Variants in PDE4D observed in about 807,000 individuals in gnomAD.
The protein encoded by PDE4D is phosphodiesterase 4D.
Under a neutral mutation model 87.4 loss-of-function variants are expected in PDE4D, and 24 were observed. The ratio of observed to expected loss-of-function variants is 0.27; its 90% CI spans 0.20 to 0.39. The LOEUF (loss-of-function observed/expected upper bound fraction) is 0.39. PDE4D is among the 10% of genes least tolerant of loss of function. The pLI is 1.00. For synonymous variants in PDE4D, 384 were observed against 383.2 expected (o/e 1.00, Z -0.02); for missense variants, 714 against 1,041.0 (o/e 0.69, Z 4.32).
At chr5:60,078,269 T>A (rs1404709359) in intron 2 of PDE4D, among the ~76,000 whole-genome samples, 1 of 152,212 alleles carries the variant, frequency 6.6e-6, no homozygotes. Flanking sequence ...TAGGTGAGTC[T>A]GCTAAATTAA....
chr5:59,604,959 T>A (rs994126505), intron 1 of PDE4D, among the ~76,000 whole-genome samples: 1 of 151,892 alleles, frequency 6.6e-6, no homozygotes, highest in African/African-American at 2.4e-5. Context: ...TACACACACA[T>A]ACACACATTC....
intron 1 of PDE4D, among the ~76,000 whole-genome samples, chr5:59,552,832 C>T (rs963733802): frequency 1.3e-5 from 2 of 152,050 alleles, no homozygotes; most frequent in Non-Finnish European, 2.9e-5. Context: ...ATTCAATTTA[C>T]CAAGTTGTAT....
intron 1 of PDE4D, among the ~76,000 whole-genome samples, chr5:59,723,594 T>C (rs1447105350): frequency 6.6e-6 from 1 of 152,152 alleles, no homozygotes; most frequent in Non-Finnish European, 1.5e-5. Context: ...AAATGGATTA[T>C]GGATGCAATG....
At chr5:60,073,374 G>A (rs900582760) in intron 2 of PDE4D, among the ~76,000 whole-genome samples, 2 of 151,864 alleles carry the variant, frequency 1.3e-5, no homozygotes, top group African/African-American at 4.8e-5. Flanking sequence ...TTATTGTGGT[G>A]GATTAGTTTT....
At chr5:59,812,744 A>C (rs1446587327) in intron 1 of PDE4D, among the ~76,000 whole-genome samples, 2 of 152,242 alleles carry the variant, frequency 1.3e-5, no homozygotes, top group African/African-American at 4.8e-5. Context: ...CCAGTTTATA[A>C]GAAAGCCATT....
intron 1 of PDE4D, among the ~76,000 whole-genome samples, chr5:60,266,634 A>G (rs1750242356): frequency 6.6e-6 from 1 of 152,158 alleles, no homozygotes. Flanking sequence ...ACAGCACCCA[A>G]ACATGGGTGT....
At chr5:60,307,944 G>A (rs1373901966) in intron 1 of PDE4D, among the ~76,000 whole-genome samples, 1 of 152,158 alleles carries the variant, frequency 6.6e-6, no homozygotes, top group Non-Finnish European at 1.5e-5. Context: ...GGAAGGCTGA[G>A]GCAGGAGAAT....
intron 2 of PDE4D, among the ~76,000 whole-genome samples, chr5:60,011,475 C>T (rs941552393): frequency 5.9e-5 from 9 of 152,034 alleles, no homozygotes; most frequent in Admixed American, 3.9e-4. Flanking sequence ...CTGGGAAAAG[C>T]GACACACATT....
intron 1 of PDE4D, among the ~76,000 whole-genome samples, chr5:59,631,676 T>C (rs928183049): frequency 9.2e-5 from 14 of 152,132 alleles, no homozygotes; most frequent in African/African-American, 3.1e-4. Flanking sequence ...CCAAGGGAAG[T>C]CATGAGGGAC....
intron 2 of PDE4D, among the ~76,000 whole-genome samples, chr5:59,993,159 T>A (rs955404904): frequency 2.0e-5 from 3 of 152,190 alleles, no homozygotes; most frequent in African/African-American, 7.2e-5. Context: ...CTTGCTAAAA[T>A]TCAGACTCCC....
intron 2 of PDE4D, among the ~76,000 whole-genome samples, chr5:59,210,135 A>T (rs1749761485): frequency 2.6e-5 from 4 of 152,186 alleles, no homozygotes; most frequent in Admixed American, 2.6e-4. Flanking sequence ...TAACAAATTG[A>T]TATGCTTTTG....
In PDE4D at chr5:58,976,330, A is replaced by T. The variant is rs780690929; in HGVS notation, c.1830+20T>A. 14 of 1,611,216 alleles carry T rather than the reference A, an allele frequency of 8.7e-6. No individual in the cohort carries two copies. Among genetic ancestry groups the T allele is most frequent in the Non-Finnish European group, 1.2e-5 (14 of 1,178,756 alleles). On this transcript the variant is annotated intron_variant, in intron 13 of 14. Transcript: ENST00000340635. ...GTGCACAGACACACACACACAGAGC[A>T]AACTCAAACAAGGCTTTACCTGAAT...
At chr5:59,645,554 T>C (rs746743922) in intron 1 of PDE4D, among the ~76,000 whole-genome samples, 1 of 152,198 alleles carries the variant, frequency 6.6e-6, no homozygotes, top group African/African-American at 2.4e-5. Context: ...GTCTCTTCCC[T>C]GTACCCTTAG....
chr5:59,513,649 C>G (rs1003118089), intron 1 of PDE4D, among the ~76,000 whole-genome samples: 4 of 152,130 alleles, frequency 2.6e-5, no homozygotes, highest in African/African-American at 9.7e-5. Flanking sequence ...AAAAAAATCT[C>G]TTTGAATTGT....
chr5:59,700,571 T>C (rs1392029513), intron 1 of PDE4D, among the ~76,000 whole-genome samples: 1 of 152,224 alleles, frequency 6.6e-6, no homozygotes, highest in Non-Finnish European at 1.5e-5. Context: ...AGATATCTTA[T>C]ATAAATGTAT....
intron 2 of PDE4D, among the ~76,000 whole-genome samples, chr5:60,051,561 AC>A (rs1046935045): frequency 6.6e-6 from 1 of 152,214 alleles, no homozygotes; most frequent in Admixed American, 6.5e-5. Context: ...AATTTATAGG[AC>A]CAAATGCCCA....
chr5:60,143,226 G>C (rs1339521923), intron 2 of PDE4D, among the ~76,000 whole-genome samples: 1 of 152,140 alleles, frequency 6.6e-6, no homozygotes, highest in Admixed American at 6.6e-5. Context: ...TGTAAAATCT[G>C]CTGCATTCTC....
At position 59,113,652 on chromosome 5, in the gene PDE4D, A is replaced by G. The variant is rs149802184; in HGVS notation, c.808+66943T>C. ...TACACTCTGGTAGAAAGGATGCCCT[A>G]GGGTACAACAAAAGGCAGATAAGCA... On this transcript the variant is annotated intron_variant, in intron 5 of 14. Coordinates refer to ENST00000340635, the MANE Select transcript of PDE4D (RefSeq NM_001104631.2). 4.1e-4 allele frequency among the ~76,000 whole-genome samples: 62 copies of G among 152,336 alleles called. No individual in the cohort carries two copies. The East Asian group carries it at 9.4e-3, about 23-fold the overall frequency.
chr5:59,121,481 T>A (rs996088628), intron 5 of PDE4D, among the ~76,000 whole-genome samples: 1 of 152,048 alleles, frequency 6.6e-6, no homozygotes, highest in Admixed American at 6.5e-5. Flanking sequence ...AAATGCAAAT[T>A]GATACCACAA....
Sources: gnomAD v4.1 joint callset for allele counts (sites outside exome capture counted in the v4.1 genomes callset) on GRCh38, gnomAD v4.1.1 for gene constraint, MANE v1.5 for transcripts, NCBI Gene and HGNC (gene_info 2026-07-23, HGNC 2026-07-21) for gene names.